Variants in PCNX2 observed in about 807,000 individuals in gnomAD.
PCNX2 encodes pecanex-like protein 2.
A neutral mutation model predicts 223.8 loss-of-function variants in PCNX2; 168 were observed. The observed-to-expected ratio is 0.75, with a 90% CI of 0.66 to 0.85. PCNX2 has a LOEUF of 0.85. PCNX2 is among the 40% of genes least tolerant of loss of function. PCNX2 has a pLI of 0.00. For synonymous variants in PCNX2, 1,006 were observed against 1,052.6 expected, an observed-to-expected ratio of 0.96 and a Z score of 0.86; for missense variants, 2,507 against 2,675.5, an observed-to-expected ratio of 0.94 and a Z score of 1.39.
At chr1:233,205,464 C>T (rs1054215064) in intron 13 of PCNX2, among the ~76,000 whole-genome samples, 15 of 152,116 alleles carry the variant, frequency 9.9e-5, no homozygotes, top group Non-Finnish European at 2.9e-5. Context: ...GAGGCCAAGG[C>T]GGGTGGATCA....
chr1:233,157,714 A>G (rs917831308), intron 19 of PCNX2, among the ~76,000 whole-genome samples: 1 of 152,216 alleles, frequency 6.6e-6, no homozygotes, highest in Non-Finnish European at 1.5e-5. Flanking sequence ...CAGGAAGAAG[A>G]GGCAAGGAAA....
In PCNX2 at chr1:233,252,729, T is replaced by C. The variant is rs1659530883; in HGVS notation, c.1894A>G (p.Ser632Gly). ...AAATCTGGTTTTCCTTGCTTAGAAC[T>C]GTGTCCACTGGGCTTTTCATTTTCC... Reference protein sequence around the residue: ...ILENEKPSGHSSKQGKPDLQS... With the variant: ...ILENEKPSGHGSKQGKPDLQS... Residue 632 changes from serine (S) to glycine (G), a missense_variant, in exon 6 of 34, where the codon AGT (serine) becomes GGT (glycine). Coordinates refer to ENST00000258229, the MANE Select transcript of PCNX2 (RefSeq NM_014801.4). 6.2e-7 allele frequency: 1 copy of C among 1,613,758 alleles called. No individual in the cohort carries two copies. Among genetic ancestry groups the C allele is most frequent in the South Asian group, 1.1e-5 (1 of 91,066 alleles).
At chr1:233,178,699 G>A (rs1047825921) in intron 16 of PCNX2, among the ~76,000 whole-genome samples, 8 of 152,134 alleles carry the variant, frequency 5.3e-5, no homozygotes, top group East Asian at 1.9e-4. Flanking sequence ...GTAAAGGCAG[G>A]GATGTAGTTA....
At chr1:233,180,323 A>T (rs1572030398) in intron 15 of PCNX2, among the ~76,000 whole-genome samples, 1 of 152,120 alleles carries the variant, frequency 6.6e-6, no homozygotes, top group Non-Finnish European at 1.5e-5. Context: ...ACATGTTACC[A>T]CCCCAACCAG....
intron 9 of PCNX2, among the ~76,000 whole-genome samples, chr1:233,231,967 TTA>T (rs1321250769): frequency 6.6e-6 from 1 of 152,210 alleles, no homozygotes; most frequent in Non-Finnish European, 1.5e-5. Flanking sequence ...AAGACTTCTC[TTA>T]AAGATAAAAT....
At chr1:233,032,892 T>A (rs1183317946) in intron 25 of PCNX2, 1 of 771,622 alleles carries the variant, frequency 1.3e-6, no homozygotes, top group African/African-American at 1.9e-5. Context: ...CTCTTAGGAG[T>A]GAAAGAGTCA....
At chr1:233,201,011 G>T (rs1558337159) in intron 13 of PCNX2, among the ~76,000 whole-genome samples, 1 of 119,446 alleles carries the variant, frequency 8.4e-6, no homozygotes, top group African/African-American at 3.3e-5. Context: ...GGGCGACAGA[G>T]CAAGACTCCG....
intron 24 of PCNX2, 89 bp downstream of exon 24, chr1:233,057,143 T>G (rs1327509049): frequency 9.1e-7 from 1 of 1,104,634 alleles, no homozygotes; most frequent in Non-Finnish European, 1.3e-6. Flanking sequence ...GTCTCCACAA[T>G]GAGTACAGAG....
intron 1 of PCNX2, chr1:233,289,111 T>G (rs1661612638): frequency 1.1e-6 from 1 of 928,180 alleles, no homozygotes; most frequent in Non-Finnish European, 1.8e-6. Flanking sequence ...TGCTTTTGCT[T>G]ATATTTTGTA....
At chr1:233,217,751 C>G in intron 12 of PCNX2, 148 bp downstream of exon 12, 1 of 818,112 alleles carries the variant, frequency 1.2e-6, no homozygotes, top group South Asian at 2.7e-5. Flanking sequence ...CCACCATGCA[C>G]TTATATATAT....
At chr1:233,072,650 T>C (rs1283138197) in intron 23 of PCNX2, among the ~76,000 whole-genome samples, 1 of 152,224 alleles carries the variant, frequency 6.6e-6, no homozygotes, top group Non-Finnish European at 1.5e-5. Flanking sequence ...TCAATTGAAA[T>C]GGTCAAGTGT....
the PCNX2 span, among the ~76,000 whole-genome samples, chr1:233,326,452 T>C: frequency 6.6e-6 from 1 of 152,206 alleles, no homozygotes; most frequent in Non-Finnish European, 1.5e-5. Context: ...GAAGACCCAC[T>C]GTAAAACTAT....
rs140983882 is a variant in PCNX2 at position 233,147,497 on chromosome 1, T to C, written c.3518-7642A>G. Among the ~76,000 whole-genome samples, 1,454 of 151,648 alleles carry C rather than the reference T, an allele frequency of 9.6e-3. 68 individuals are homozygous for C. The highest frequency in any genetic ancestry group is 0.076 in the Admixed American group (1,158 of 15,204). ...GAGGAAGAGGAGGGGGTAGTCCTGC[T>C]GGCTCAGGGGTGGAAGAGGTGAAAA... On this transcript the variant is annotated intron_variant, in intron 19 of 33. Coordinates refer to ENST00000258229, the MANE Select transcript of PCNX2 (RefSeq NM_014801.4).
At chr1:233,093,035 A>C (rs12025385) in intron 22 of PCNX2, among the ~76,000 whole-genome samples, 3 of 151,932 alleles carry the variant, frequency 2.0e-5, no homozygotes, top group East Asian at 3.9e-4. Flanking sequence ...TCCTGACCTC[A>C]TGATCTGCCC....
At chr1:233,262,301 T>C in intron 2 of PCNX2, 136 bp from the exon 3 acceptor site, 2 of 1,150,404 alleles carry the variant, frequency 1.7e-6, no homozygotes, top group Non-Finnish European at 1.2e-6. Flanking sequence ...CTTTTTTTGT[T>C]GTTGTTAAGA....
intron 12 of PCNX2, chr1:233,210,408 G>A (rs988734423): frequency 6.2e-6 from 1 of 161,230 alleles, no homozygotes; most frequent in Non-Finnish European, 1.3e-5. Context: ...CTCCCGAGTA[G>A]CTGGGACTAC....
chr1:233,104,654 A>C (rs1312678815), intron 21 of PCNX2, among the ~76,000 whole-genome samples: 3 of 152,150 alleles, frequency 2.0e-5, no homozygotes, highest in African/African-American at 7.2e-5. Context: ...CGACAGAATT[A>C]ACAAGCTTCA....
In PCNX2 at chr1:233,167,589, A is replaced by G. The variant is rs576228776; in HGVS notation, c.3274-6226T>C. On this transcript the variant is annotated intron_variant, in intron 17 of 33. Transcript: ENST00000258229. ...GCCACAAAAACAAATAAAAATGGGT[A>G]ACTATGCGAGATGATGGATATGTTA... The G allele has an allele frequency of 1.6e-4, 62 of 383,488 alleles. 1 individual carries two copies. Among genetic ancestry groups the G allele is most frequent in the Non-Finnish European group, 2.1e-4 (59 of 280,022 alleles). 23.8% of individuals were successfully genotyped at this position (383,488 alleles called of 1,614,324 possible).
chr1:233,064,568 A>G (rs564875716), intron 23 of PCNX2, among the ~76,000 whole-genome samples: 1 of 152,264 alleles, frequency 6.6e-6, no homozygotes, highest in South Asian at 2.1e-4. Flanking sequence ...CCTGGCATAG[A>G]TTTTAAAATG....
Sources: gnomAD v4.1 joint callset for allele counts (sites outside exome capture counted in the v4.1 genomes callset) on GRCh38, gnomAD v4.1.1 for gene constraint, MANE v1.5 for transcripts, NCBI Gene and HGNC (gene_info 2026-07-23, HGNC 2026-07-21) for gene names.